Variants in MYOD1 observed in about 807,000 individuals in gnomAD.
The protein encoded by MYOD1 is myoblast determination protein 1.
In MYOD1, 15 loss-of-function variants were observed where a neutral mutation model predicts 14.9. The observed-to-expected ratio is 1.01, with a 90% confidence interval of 0.67 to 1.55. The LOEUF is 1.55. Ranked by LOEUF, MYOD1 falls within the 40% of genes most tolerant of loss-of-function variation. The pLI, the probability that MYOD1 is intolerant of heterozygous loss-of-function variation, is 0.00. For missense variants in MYOD1, 529 were observed against 482.6 expected, an observed-to-expected ratio of 1.10 and a Z score of -0.90; for synonymous variants, 235 against 218.6, an observed-to-expected ratio of 1.07 and a Z score of -0.66.
chr11:17,721,945 C>CT lies in MYOD1; in HGVS notation c.*442dup, dbSNP rs1848643145. On this transcript the variant is annotated 3_prime_UTR_variant, in exon 3 of 3. Coordinates refer to ENST00000250003, the MANE Select transcript of MYOD1 (RefSeq NM_002478.5). This position sits in a 1 kb window ranked among gnomAD's most constrained non-coding sequence, Gnocchi z 6.2. ...CAACCCGTTTCCCGGTTCAGGACCACTTTTTGTAATACTTTTGTAATCTAT... is the reference window on the plus strand; with the variant it reads ...CAACCCGTTTCCCGGTTCAGGACCACTTTTTTGTAATACTTTTGTAATCTAT... 2 of 248,434 alleles carry CT rather than the reference C, an allele frequency of 8.1e-6. No homozygotes were observed. The highest frequency in any genetic ancestry group is 7.7e-6 in the Non-Finnish European group (1 of 129,458). 15.4% of individuals were successfully genotyped at this position (248,434 alleles called of 1,614,324 possible). A position where few individuals can be genotyped will look rare whatever the true frequency, so the allele number is the denominator to read the frequency against.
chr11:17,719,715 A>G lies in MYOD1; in HGVS notation c.-68A>G. ...TACAGCCGGGGCTCCCGAGCGGCAG[A>G]AAGTTCCGGCCACTCTCTGCCGCTT... On this transcript the variant is annotated 5_prime_UTR_variant, in exon 1 of 3. Coordinates refer to ENST00000250003, the MANE Select transcript of MYOD1 (RefSeq NM_002478.5). The G allele has an allele frequency of 6.5e-7, 1 of 1,532,754 alleles. No individual in the cohort carries two copies. 94.9% of individuals were successfully genotyped at this position (1,532,754 alleles called of 1,614,324 possible). A position where few individuals can be genotyped will look rare whatever the true frequency, so the allele number is the denominator to read the frequency against.
In MYOD1 at chr11:17,721,454, C is replaced by T. The variant is rs545519590; in HGVS notation, c.909C>T (p.Ala303=). 3.8e-6 allele frequency: 6 copies of T among 1,596,116 alleles called. No homozygotes were observed. The East Asian group carries it at 1.1e-4, about 30-fold the overall frequency. ...SSGDPTQSPD[A]APQCPAGANP... ...GCGACCCCACCCAGTCACCGGACGC[C>T]GCCCCGCAGTGCCCTGCGGGTGCGA... The change falls in exon 3 of 3, where the codon GCC becomes GCT. Residue 303 remains alanine (A), a synonymous_variant. Coordinates refer to ENST00000250003, the MANE Select transcript of MYOD1 (RefSeq NM_002478.5). This position sits in a 1 kb window ranked among gnomAD's most constrained non-coding sequence, Gnocchi z 6.2.
Position 17,720,420 on chromosome 11 carries a change from C to G in MYOD1, c.630+8C>G. On this transcript the variant is annotated splice_region_variant and intron_variant, in intron 1 of 2. Coordinates refer to ENST00000250003, the MANE Select transcript of MYOD1 (RefSeq NM_002478.5). ...AACTGCTCCGACGGCATGGTAAGGC[C>G]GGGACCCCAGGAAGTGAGGAAGTTA... 2 of 1,553,126 alleles carry G rather than the reference C, an allele frequency of 1.3e-6. No homozygotes were observed. Among genetic ancestry groups the G allele is most frequent in the Non-Finnish European group, 1.7e-6 (2 of 1,162,998 alleles).
At chr11:17,720,817 G>A (rs999449151) in intron 1 of MYOD1, 85 bp from the exon 2 acceptor site, 1 of 1,439,840 alleles carries the variant, frequency 6.9e-7, no homozygotes, top group Non-Finnish European at 9.6e-7. Flanking sequence ...TTAGGCTAGA[G>A]TTAGGGAGGG....
rs1051088773 is a variant in MYOD1, at chr11:17,721,793, C to T, written c.*285C>T. 1 of 413,814 alleles carries T rather than the reference C, an allele frequency of 2.4e-6. No homozygotes were observed. Among genetic ancestry groups the T allele is most frequent in the African/African-American group, 2.1e-5 (1 of 48,432 alleles). The allele number at this position is 413,814 out of a possible 1,614,324, so 25.6% of individuals were successfully genotyped here. A position where few individuals can be genotyped will look rare whatever the true frequency, so the allele number is the denominator to read the frequency against. ...GGGGCTAGGTTCAGCTTTCTCGCGCCCTCCCCCATGGGGGTGAGACCCTCG... is the reference window on the plus strand; with the variant it reads ...GGGGCTAGGTTCAGCTTTCTCGCGCTCTCCCCCATGGGGGTGAGACCCTCG... On this transcript the variant is annotated 3_prime_UTR_variant, in exon 3 of 3. Coordinates refer to ENST00000250003, the MANE Select transcript of MYOD1 (RefSeq NM_002478.5). This position sits in a 1 kb window ranked among gnomAD's most constrained non-coding sequence, Gnocchi z 6.2.
chr11:17,720,879 T>A (rs752336062), intron 1 of MYOD1, 23 bp from the exon 2 acceptor site: 1 of 1,606,668 alleles, frequency 6.2e-7, no homozygotes, highest in South Asian at 1.1e-5. Context: ...CGGGCCTGAC[T>A]CAGTCGCCCT....
chr11:17,719,981 G>C lies in MYOD1; in HGVS notation c.199G>C (p.Ala67Pro). 3 of 1,611,338 alleles carry C rather than the reference G, an allele frequency of 1.9e-6. No individual in the cohort carries two copies. Among genetic ancestry groups the C allele is most frequent in the Non-Finnish European group, 1.7e-6 (2 of 1,179,114 alleles). ...LKPEEHSHFP[A>P]AVHPAPGARE... ...ACCCGAAGAGCACTCGCACTTCCCC[G>C]CGGCGGTGCACCCGGCCCCGGGCGC... Residue 67 changes from alanine to proline, a missense_variant, in exon 1 of 3, where the codon GCG becomes CCG. Coordinates refer to ENST00000250003, the MANE Select transcript of MYOD1 (RefSeq NM_002478.5).
In MYOD1 at chr11:17,721,471, C is replaced by T. The variant is rs1471293207; in HGVS notation, c.926C>T (p.Ala309Val). Reference sequence around the variant, plus strand: ...CCGGACGCCGCCCCGCAGTGCCCTGCGGGTGCGAACCCCAACCCGATATAC... The same window carrying T: ...CCGGACGCCGCCCCGCAGTGCCCTGTGGGTGCGAACCCCAACCCGATATAC... ...QSPDAAPQCP[A>V]GANPNPIYQV... Residue 309 changes from alanine (A) to valine (V), a missense_variant, in exon 3 of 3, where the codon GCG (alanine) becomes GTG (valine). Ala to Val is a moderately conservative substitution (Grantham distance 64, BLOSUM62 0). Coordinates refer to ENST00000250003, the MANE Select transcript of MYOD1 (RefSeq NM_002478.5). This position sits in a 1 kb window ranked among gnomAD's most constrained non-coding sequence, Gnocchi z 6.2. 1 of 1,585,980 alleles carries T rather than the reference C, an allele frequency of 6.3e-7. No individual in the cohort carries two copies. Among genetic ancestry groups the T allele is most frequent in the South Asian group, 1.1e-5 (1 of 89,276 alleles).
At position 17,721,246 on chromosome 11, in the gene MYOD1, C is replaced by T. The variant is rs1259172904; in HGVS notation, c.710-9C>T. 3 of 1,534,282 alleles carry T rather than the reference C, an allele frequency of 2.0e-6. No homozygotes were observed. Among genetic ancestry groups the T allele is most frequent in the Non-Finnish European group, 2.6e-6 (3 of 1,142,262 alleles). On this transcript the variant is annotated splice_polypyrimidine_tract_variant and intron_variant, in intron 2 of 2. Coordinates refer to ENST00000250003, the MANE Select transcript of MYOD1 (RefSeq NM_002478.5). The surrounding 1 kb of genome is among the most constrained non-coding windows in gnomAD (Gnocchi z 6.2). Reference sequence around the variant, plus strand: ...ACCCCTGCTTACTAACCGAGCCCTCCCCGCGCAGAACCCAGGCCCGGGAAG... The same window carrying T: ...ACCCCTGCTTACTAACCGAGCCCTCTCCGCGCAGAACCCAGGCCCGGGAAG...
intron 1 of MYOD1, 88 bp from the exon 2 acceptor site, chr11:17,720,814 A>C: frequency 1.5e-6 from 2 of 1,377,652 alleles, no homozygotes; most frequent in Non-Finnish European, 2.0e-6. Flanking sequence ...GCCTTAGGCT[A>C]GAGTTAGGGA....
At position 17,720,114 on chromosome 11, in the gene MYOD1, G is replaced by T. The variant is rs745342746; in HGVS notation, c.332G>T (p.Arg111Leu). ...CGCAAGACCACCAACGCCGACCGCC[G>T]CAAGGCCGCCACCATGCGCGAGCGG... is the stretch of plus-strand genomic sequence containing the variant. ...CKRKTTNADR[R>L]KAATMRERRR... is the part of the protein sequence containing the mutation. The change falls in exon 1 of 3, where the codon CGC becomes CTC. Residue 111 changes from arginine (R) to leucine (L), a missense_variant. Coordinates refer to ENST00000250003, the MANE Select transcript of MYOD1 (RefSeq NM_002478.5). The T allele has an allele frequency of 6.3e-7, 1 of 1,586,014 alleles. No individual in the cohort carries two copies. Among genetic ancestry groups the T allele is most frequent in the East Asian group, 2.3e-5 (1 of 42,908 alleles).
rs1473730283 is a variant in MYOD1, at chr11:17,722,133, C to G, written c.*625C>G. The G allele has an allele frequency of 4.4e-5, 8 of 180,428 alleles. No individual in the cohort carries two copies. The highest frequency in any genetic ancestry group is 5.9e-5 in the Non-Finnish European group (5 of 84,428). The allele number at this position is 180,428 out of a possible 1,614,324, so 11.2% of individuals were successfully genotyped here. A position where few individuals can be genotyped will look rare whatever the true frequency, so the allele number is the denominator to read the frequency against. On this transcript the variant is annotated 3_prime_UTR_variant, in exon 3 of 3. Transcript: ENST00000250003. ...TCAAAATAAAGGCGCTAATTTATACCGCCGTGGCTCCGGCTTTCCCTGGAC... is the reference window on the plus strand; with the variant it reads ...TCAAAATAAAGGCGCTAATTTATACGGCCGTGGCTCCGGCTTTCCCTGGAC...
intron 1 of MYOD1, 122 bp from the exon 2 acceptor site, chr11:17,720,780 G>C (rs1449826438): frequency 9.2e-7 from 1 of 1,092,468 alleles, no homozygotes; most frequent in East Asian, 2.5e-5. Flanking sequence ...CCCCAACCAG[G>C]ACAGGTCTGG....
chr11:17,721,190 G>T lies in MYOD1; in HGVS notation c.710-65G>T. The T allele has an allele frequency of 6.9e-7, 1 of 1,454,386 alleles. No individual in the cohort carries two copies. The highest frequency in any genetic ancestry group is 9.1e-7 in the Non-Finnish European group (1 of 1,103,596). 90.1% of individuals were successfully genotyped at this position (1,454,386 alleles called of 1,614,324 possible). ...GTTTCCAATCTGTCTCAAAGTACTG[G>T]GCCCGGGGGTGGGAGGCTTGTCGCG... On this transcript the variant is annotated intron_variant, in intron 2 of 2. Coordinates refer to ENST00000250003, the MANE Select transcript of MYOD1 (RefSeq NM_002478.5). This position sits in a 1 kb window ranked among gnomAD's most constrained non-coding sequence, Gnocchi z 6.2.
Position 17,720,313 on chromosome 11 carries a change from C to T in MYOD1, c.531C>T (p.Ala177=), listed in dbSNP as rs768223964. Residue 177 remains alanine (A), a synonymous_variant, in exon 1 of 3, where the codon GCC becomes GCT. Transcript: ENST00000250003. ...QDAAPPGAAA[A]FYAPGPLPPG... ...CCGCGCCCCCTGGCGCCGCAGCCGC[C>T]TTCTATGCGCCGGGCCCGCTGCCCC... 42 of 1,585,742 alleles carry T rather than the reference C, an allele frequency of 2.6e-5. No homozygotes were observed. Among genetic ancestry groups the T allele is most frequent in the Non-Finnish European group, 3.1e-5 (36 of 1,170,490 alleles).
In MYOD1 at chr11:17,721,036, G is replaced by A. The variant is rs564665589; in HGVS notation, c.709+56G>A. 172 of 1,505,424 alleles carry A rather than the reference G, an allele frequency of 1.1e-4. 1 individual carries two copies. In the African/African-American group the frequency reaches 1.2e-3, roughly 10 times the overall value. The allele number at this position is 1,505,424 out of a possible 1,614,324, so 93.3% of individuals were successfully genotyped here. A position where few individuals can be genotyped will look rare whatever the true frequency, so the allele number is the denominator to read the frequency against. On this transcript the variant is annotated intron_variant, in intron 2 of 2. Coordinates refer to ENST00000250003, the MANE Select transcript of MYOD1 (RefSeq NM_002478.5). This position sits in a 1 kb window ranked among gnomAD's most constrained non-coding sequence, Gnocchi z 6.2. Reference sequence around the variant, plus strand: ...CCTCCTCCTTCATGGAGCTGTCCTGGCCTCTATCTAGGACGCTCCCACCCC... The same window carrying A: ...CCTCCTCCTTCATGGAGCTGTCCTGACCTCTATCTAGGACGCTCCCACCCC...
Position 17,719,904 on chromosome 11 carries a change from G to T in MYOD1, c.122G>T (p.Arg41Leu), listed in dbSNP as rs201235770. 3.1e-4 allele frequency: 493 copies of T among 1,613,790 alleles called. No individual in the cohort carries two copies. The highest frequency in any genetic ancestry group is 4.0e-4 in the Non-Finnish European group (468 of 1,179,984). Residue 41 changes from arginine (R) to leucine (L), a missense_variant, in exon 1 of 3, where the codon CGC becomes CTC. Physicochemically the swap from Arg to Leu is moderately radical, Grantham distance 102. Transcript: ENST00000250003. ...DDPCFDSPDL[R>L]FFEDLDPRLM... Reference sequence around the variant, plus strand: ...CCGTGTTTCGACTCCCCGGACCTGCGCTTCTTCGAAGACCTGGACCCGCGC... The same window carrying T: ...CCGTGTTTCGACTCCCCGGACCTGCTCTTCTTCGAAGACCTGGACCCGCGC...
rs919641455 is a variant in MYOD1 at position 17,721,626 on chromosome 11, T to C, written c.*118T>C. The C allele has an allele frequency of 4.0e-6, 5 of 1,263,190 alleles. No homozygotes were observed. The South Asian group carries it at 8.7e-5, about 22-fold the overall frequency. 78.2% of individuals were successfully genotyped at this position (1,263,190 alleles called of 1,614,324 possible). ...GCTTTAAAAGCGACCTCTCTTGAGG[T>C]AGGAGAGGCGGGAGAACTGAAGTTT... On this transcript the variant is annotated 3_prime_UTR_variant, in exon 3 of 3. Transcript: ENST00000250003. This position sits in a 1 kb window ranked among gnomAD's most constrained non-coding sequence, Gnocchi z 6.2.
Position 17,719,894 on chromosome 11 carries a change from C to G in MYOD1, c.112C>G (p.Pro38Ala). The change falls in exon 1 of 3, where the codon CCG becomes GCG. Residue 38 changes from proline to alanine, a missense_variant. Coordinates refer to ENST00000250003, the MANE Select transcript of MYOD1 (RefSeq NM_002478.5). ...CTATGACGACCCGTGTTTCGACTCC[C>G]CGGACCTGCGCTTCTTCGAAGACCT... is the stretch of plus-strand genomic sequence containing the variant. Reference protein sequence around the residue: ...DFYDDPCFDSPDLRFFEDLDP... With the variant: ...DFYDDPCFDSADLRFFEDLDP... 1 of 1,613,950 alleles carries G rather than the reference C, an allele frequency of 6.2e-7. No homozygotes were observed. The highest frequency in any genetic ancestry group is 8.5e-7 in the Non-Finnish European group (1 of 1,179,996).
Sources: gnomAD v4.1 joint callset for allele counts on GRCh38, gnomAD v4.1.1 for gene constraint, Gnocchi (gnomAD v3.1) non-coding constraint, MANE v1.5 for transcripts, NCBI Gene and HGNC (gene_info 2026-07-23, HGNC 2026-07-21) for gene names.